PPP1CA: variants seen among roughly 807,000 people sequenced by gnomAD.
PPP1CA encodes the protein serine/threonine-protein phosphatase PP1-alpha catalytic subunit.
Under a neutral mutation model 38.5 loss-of-function variants are expected in PPP1CA, and 14 were observed. That is an observed-to-expected ratio of 0.36 (90% CI 0.24 to 0.57). PPP1CA has a LOEUF of 0.57. Among genes scored for constraint, PPP1CA ranks in the 20% least tolerant of loss-of-function variants. PPP1CA has a pLI of 0.80. For synonymous variants in PPP1CA, 200 were observed against 177.3 expected, an observed-to-expected ratio of 1.13 and a Z score of -1.02; for missense variants, 277 against 435.2, an observed-to-expected ratio of 0.64 and a Z score of 3.23.
rs2134982249 is a variant in PPP1CA, at chr11:67,399,633, T to C, written c.451A>G (p.Thr151Ala). The C allele has an allele frequency of 6.2e-7, 1 of 1,613,924 alleles. No homozygotes were observed. The highest frequency in any genetic ancestry group is 2.2e-5 in the East Asian group (1 of 44,886). Residue 151 changes from threonine (T) to alanine (A), a missense_variant, in exon 4 of 7, where the codon ACC becomes GCC. Physicochemically the swap from Thr to Ala is moderately conservative, Grantham distance 58. Around this residue, in one of 3 missense-constraint regions of PPP1CA, gnomAD observed 180 missense variants for 356.7 expected, o/e 0.50. Coordinates refer to ENST00000376745, the MANE Select transcript of PPP1CA (RefSeq NM_002708.4). ...KRRYNIKLWK[T>A]FTDCFNCLPI... ...AGGCAGTTGAAGCAGTCAGTGAAGG[T>C]TTTCCACAGTTTGATGTTGTAGCGT...
At chr11:67,401,018 G>A in intron 2 of PPP1CA, 50 bp downstream of exon 2, 2 of 1,610,480 alleles carry the variant, frequency 1.2e-6, no homozygotes, top group South Asian at 1.1e-5. Context: ...AACTCTGTGG[G>A]GTCCAGTGCC....
intron 1 of PPP1CA, 47 bp downstream of exon 1, chr11:67,401,681 A>AG (rs1162539080): frequency 1.5e-6 from 2 of 1,321,618 alleles, no homozygotes; most frequent in Non-Finnish European, 9.7e-7. Context: ...CGGGCCGGGC[A>AG]GGGGGCCAGG....
Position 67,398,542 on chromosome 11 carries a change from T to TTACATGC in PPP1CA, c.985_986insGCATGTA (p.Lys329SerfsTer3). The stretch of plus-strand genomic sequence containing the variant: ...CAGGGTGGTGTGCGGGGGCTATTTC[T>TTACATGC]TGGCTTTGGCGGAATTGCGGGGTGG... On this transcript the variant is annotated stop_gained and frameshift_variant, in exon 7 of 7. Coordinates refer to ENST00000376745, the MANE Select transcript of PPP1CA (RefSeq NM_002708.4). LOFTEE classifies it high-confidence loss of function. 2 of 1,613,946 alleles carry TTACATGC rather than the reference T, an allele frequency of 1.2e-6. No homozygotes were observed. The highest frequency in any genetic ancestry group is 8.5e-7 in the Non-Finnish European group (1 of 1,179,892).
At chr11:67,399,949 A>G (rs1219660973) in intron 3 of PPP1CA, among the ~76,000 whole-genome samples, 2 of 152,214 alleles carry the variant, frequency 1.3e-5, no homozygotes, top group African/African-American at 2.4e-5. Flanking sequence ...CAGCCTGACC[A>G]ACATGGAGAA....
At chr11:67,400,140 A>G (rs1862851299) in intron 3 of PPP1CA, among the ~76,000 whole-genome samples, 1 of 152,228 alleles carries the variant, frequency 6.6e-6, no homozygotes. Context: ...TCCGTCTCAA[A>G]AAAGTAAAGA....
intron 3 of PPP1CA, among the ~76,000 whole-genome samples, chr11:67,400,115 C>T (rs1362547722): frequency 5.3e-5 from 8 of 152,208 alleles, no homozygotes; most frequent in Non-Finnish European, 1.2e-4. Context: ...CTAGCCTGGG[C>T]AACAAGAGTG....
intron 3 of PPP1CA, among the ~76,000 whole-genome samples, chr11:67,400,010 G>A (rs1477206126): frequency 6.6e-6 from 1 of 152,154 alleles, no homozygotes; most frequent in Non-Finnish European, 1.5e-5. Flanking sequence ...GGTGGCGCAT[G>A]CCTGTAATCC....
chr11:67,400,047 G>A (rs371643399), intron 3 of PPP1CA, among the ~76,000 whole-genome samples: 21 of 152,180 alleles, frequency 1.4e-4, no homozygotes, highest in Non-Finnish European at 2.6e-4. Context: ...TGAGGCAGGA[G>A]AATCGCTTGA....
rs140048086 is a variant in PPP1CA at position 67,398,552 on chromosome 11, C to A, written c.976G>T (p.Ala326Ser). Reference protein sequence around the residue: ...GRPITPPRNSAKAKK With the variant: ...GRPITPPRNSSKAKK The stretch of plus-strand genomic sequence containing the variant: ...TGCGGGGGCTATTTCTTGGCTTTGG[C>A]GGAATTGCGGGGTGGGGTGATGGGT... The change falls in exon 7 of 7, where the codon GCC (alanine) becomes TCC (serine). Residue 326 changes from alanine to serine, a missense_variant. This residue lies in a region of PPP1CA where 53 missense variants were observed against 51.1 expected (regional missense o/e 1.04). Transcript: ENST00000376745. 2 of 1,613,726 alleles carry A rather than the reference C, an allele frequency of 1.2e-6. No individual in the cohort carries two copies. The highest frequency in any genetic ancestry group is 2.2e-5 in the East Asian group (1 of 44,882).
At chr11:67,400,567 G>A (rs921737311) in intron 3 of PPP1CA, 122 bp downstream of exon 3, 5 of 994,810 alleles carry the variant, frequency 5.0e-6, no homozygotes, top group South Asian at 1.5e-5. Context: ...CCTGGGCCCC[G>A]CCTTCGTGGA....
chr11:67,399,293 C>T lies in PPP1CA; in HGVS notation c.524-130G>A, dbSNP rs1862827313. The T allele has an allele frequency of 6.9e-6, 6 of 864,392 alleles. No homozygotes were observed. The Admixed American group carries it at 1.4e-4, about 20-fold the overall frequency. 53.5% of individuals were successfully genotyped at this position (864,392 alleles called of 1,614,324 possible). On this transcript the variant is annotated intron_variant, in intron 4 of 6. Transcript: ENST00000376745. ...CTGGTCTCCTGGGCGCCTAGACAGG[C>T]AGAAGTCATCCCCTTCCCCTCAGCT...
At chr11:67,398,914 G>C (rs766173713) in intron 5 of PPP1CA, 26 bp downstream of exon 5, 1 of 1,612,246 alleles carries the variant, frequency 6.2e-7, no homozygotes, top group South Asian at 1.1e-5. Context: ...CCCTTCCCCT[G>C]CCGCAGGCCG....
Position 67,398,467 on chromosome 11 carries a change from C to A in PPP1CA, c.*68G>T, listed in dbSNP as rs17883712. Reference sequence around the variant, plus strand: ...GGCCTGAGGGGTCGGGGTGACCCCCCCCCAGCATGGCAGCATGATTTCTGT... The same window carrying A: ...GGCCTGAGGGGTCGGGGTGACCCCCACCCAGCATGGCAGCATGATTTCTGT... On this transcript the variant is annotated 3_prime_UTR_variant, in exon 7 of 7. Coordinates refer to ENST00000376745, the MANE Select transcript of PPP1CA (RefSeq NM_002708.4). The A allele has an allele frequency of 4.6e-5, 70 of 1,516,062 alleles. No homozygotes were observed. Among genetic ancestry groups the A allele is most frequent in the Non-Finnish European group, 5.8e-5 (64 of 1,104,248 alleles). The allele number at this position is 1,516,062 out of a possible 1,614,324, so 93.9% of individuals were successfully genotyped here. A position where few individuals can be genotyped will look rare whatever the true frequency, so the allele number is the denominator to read the frequency against.
At position 67,398,932 on chromosome 11, in the gene PPP1CA, C is replaced by T. The variant is rs201529562; in HGVS notation, c.747+8G>A. The T allele has an allele frequency of 6.2e-6, 10 of 1,613,078 alleles. No individual in the cohort carries two copies. The South Asian group carries it at 8.8e-5, about 14-fold the overall frequency. ...TTCCCCTGCCGCAGGCCGGAGCCACCAGCCCACCTGGTGTGCTCGGCAGAT... is the reference window on the plus strand; with the variant it reads ...TTCCCCTGCCGCAGGCCGGAGCCACTAGCCCACCTGGTGTGCTCGGCAGAT... On this transcript the variant is annotated splice_region_variant and intron_variant, in intron 5 of 6. Transcript: ENST00000376745.
rs750206696 is a variant in PPP1CA at position 67,398,818 on chromosome 11, C to T, written c.786G>A (p.Gln262=). 97 of 1,613,622 alleles carry T rather than the reference C, an allele frequency of 6.0e-5. No individual in the cohort carries two copies. The highest frequency in any genetic ancestry group is 7.4e-5 in the Non-Finnish European group (87 of 1,180,032). The change falls in exon 6 of 7, where the codon CAG becomes CAA. Residue 262 remains glutamine, a synonymous_variant. Transcript: ENST00000376745. ...TGGGAGCTGAGAAAAGTGTCACCAG[C>T]TGCCGCTTGGCAAAGAACTCGTAGC... ...EDGYEFFAKR[Q]LVTLFSAPNY... is the part of the protein sequence containing the mutation.
Position 67,398,184 on chromosome 11 carries a change from A to G in PPP1CA, c.*351T>C. ...TAGATGTGAGACGGAGGCCATGGCGAGAATCCAGCTTTGACCTTTATTCAA... is the reference window on the plus strand; with the variant it reads ...TAGATGTGAGACGGAGGCCATGGCGGGAATCCAGCTTTGACCTTTATTCAA... On this transcript the variant is annotated 3_prime_UTR_variant, in exon 7 of 7. Transcript: ENST00000376745. The G allele has an allele frequency of 3.2e-6, 1 of 309,700 alleles. No individual in the cohort carries two copies. The allele number at this position is 309,700 out of a possible 1,614,324, so 19.2% of individuals were successfully genotyped here.
Position 67,398,529 on chromosome 11 carries a change from C to CGGGGGCTG in PPP1CA, c.*5_*6insCAGCCCCC. ...ATCATCTGGGGCACAGGGTGGTGTGCGGGGGCTATTTCTTGGCTTTGGCGG... is the reference window on the plus strand; with the variant it reads ...ATCATCTGGGGCACAGGGTGGTGTGCGGGGGCTGGGGGGCTATTTCTTGGCTTTGGCGG... On this transcript the variant is annotated 3_prime_UTR_variant, in exon 7 of 7. Transcript: ENST00000376745. 6.2e-7 allele frequency: 1 copy of CGGGGGCTG among 1,612,452 alleles called. No individual in the cohort carries two copies. The highest frequency in any genetic ancestry group is 8.5e-7 in the Non-Finnish European group (1 of 1,178,918).
Position 67,398,343 on chromosome 11 carries a change from G to A in PPP1CA, c.*192C>T, listed in dbSNP as rs1297811266. 1.9e-5 allele frequency: 12 copies of A among 627,376 alleles called. No individual in the cohort carries two copies. The highest frequency in any genetic ancestry group is 3.2e-5 in the Non-Finnish European group (12 of 369,266). 38.9% of individuals were successfully genotyped at this position (627,376 alleles called of 1,614,324 possible). On this transcript the variant is annotated 3_prime_UTR_variant, in exon 7 of 7. Transcript: ENST00000376745. ...GATCCTGCTCACAGTCACCGCAGGT[G>A]CAGGCAGGAAGCAGCCCTGGGGGAC...
chr11:67,398,285 T>C lies in PPP1CA; in HGVS notation c.*250A>G. ...ACGGCTGGAGACCCACGACCTGGCC[T>C]GCCGTTGCCCTGAGCTGCAGCCTCG... On this transcript the variant is annotated 3_prime_UTR_variant, in exon 7 of 7. Transcript: ENST00000376745. 1 of 528,598 alleles carries C rather than the reference T, an allele frequency of 1.9e-6. No individual in the cohort carries two copies. The highest frequency in any genetic ancestry group is 3.3e-5 in the East Asian group (1 of 30,332). The allele number at this position is 528,598 out of a possible 1,614,324, so 32.7% of individuals were successfully genotyped here.
Sources: allele counts gnomAD v4.1 joint callset (sites outside exome capture counted in the v4.1 genomes callset), GRCh38; gene constraint gnomAD v4.1.1; regional missense constraint gnomAD v4.1.1; transcripts MANE v1.5; gene names NCBI Gene and HGNC (gene_info 2026-07-23, HGNC 2026-07-21).